ACOXL: variants seen among roughly 807,000 people sequenced by gnomAD.
ACOXL encodes the protein acyl-CoA oxidase like.
In ACOXL, 70 loss-of-function variants were observed where a neutral mutation model predicts 71.9. That is an observed-to-expected ratio of 0.97 (90% confidence interval 0.80 to 1.19). The LOEUF (loss-of-function observed/expected upper bound fraction) is 1.19. ACOXL is among the 50% of genes most tolerant of loss of function. The pLI, the probability that ACOXL is intolerant of heterozygous loss-of-function variation, is 0.00. For missense variants in ACOXL, 703 were observed against 736.3 expected (o/e 0.95, Z 0.52); for synonymous variants, 253 against 281.6 (o/e 0.90, Z 1.02).
intron 12 of ACOXL, among the ~76,000 whole-genome samples, chr2:110,985,426 C>T (rs920814602): frequency 6.6e-6 from 1 of 152,072 alleles, no homozygotes; most frequent in Non-Finnish European, 1.5e-5. Flanking sequence ...GACGTAATTG[C>T]AAGAATTCAA....
At chr2:110,811,785 ACG>A (rs1553548173) in intron 9 of ACOXL, among the ~76,000 whole-genome samples, 1 of 148,982 alleles carries the variant, frequency 6.7e-6, no homozygotes, top group African/African-American at 2.5e-5. Context: ...ACACACACAC[ACG>A]CGGGGAGGAG....
chr2:111,110,402 G>A (rs72948310), intron 17 of ACOXL, among the ~76,000 whole-genome samples: 2,565 of 152,240 alleles, frequency 0.017, 80 homozygotes, highest in African/African-American at 0.057. Flanking sequence ...GAACTCCAGC[G>A]CAGCTCCAAA....
chr2:110,814,551 A>C (rs1294143390), intron 9 of ACOXL, among the ~76,000 whole-genome samples: 3 of 152,224 alleles, frequency 2.0e-5, no homozygotes, highest in Non-Finnish European at 4.4e-5. Context: ...TGGGCCATTT[A>C]AATTTGCCAC....
At chr2:111,101,426 T>C (rs921656210) in intron 17 of ACOXL, among the ~76,000 whole-genome samples, 1 of 152,204 alleles carries the variant, frequency 6.6e-6, no homozygotes, top group Non-Finnish European at 1.5e-5. Context: ...CCATGCCACA[T>C]TGAATGTTTC....
intron 14 of ACOXL, among the ~76,000 whole-genome samples, chr2:110,998,973 A>G (rs2063508712): frequency 6.6e-6 from 1 of 152,246 alleles, no homozygotes; most frequent in Non-Finnish European, 1.5e-5. Context: ...TTCAAAAGTA[A>G]ACAATGAGTA....
Position 110,994,010 on chromosome 2 carries a change from C to T in ACOXL, c.1170-1883C>T, listed in dbSNP as rs76080763. Among the ~76,000 whole-genome samples the T allele has an allele frequency of 4.3e-4, 65 of 152,352 alleles. No homozygotes were observed. The East Asian group carries it at 6.9e-3, about 16-fold the overall frequency. On this transcript the variant is annotated intron_variant, in intron 13 of 17. Coordinates refer to ENST00000439055, the MANE Select transcript of ACOXL (RefSeq NM_001142807.4). The stretch of plus-strand genomic sequence containing the variant: ...TTTTAAAGAAAGTCTGCACACTCTA[C>T]TGCACTGGGCAGGCTCCTAGACCTA...
chr2:110,900,269 G>A (rs1415600290), intron 10 of ACOXL, among the ~76,000 whole-genome samples: 1 of 152,098 alleles, frequency 6.6e-6, no homozygotes, highest in African/African-American at 2.4e-5. Context: ...GAGTAAGTTA[G>A]TGCTTTGTTT....
intron 17 of ACOXL, among the ~76,000 whole-genome samples, chr2:111,108,105 G>A (rs1243696502): frequency 6.6e-6 from 1 of 152,064 alleles, no homozygotes; most frequent in Non-Finnish European, 1.5e-5. Flanking sequence ...CAAAATTAGG[G>A]AAATAAAATG....
At chr2:110,829,534 G>C (rs1466730735) in intron 9 of ACOXL, among the ~76,000 whole-genome samples, 2 of 152,242 alleles carry the variant, frequency 1.3e-5, no homozygotes, top group Admixed American at 1.3e-4. Flanking sequence ...CACCAGGTCA[G>C]AGCAGTGTCT....
At position 110,757,062 on chromosome 2, in the gene ACOXL, C is replaced by G. The variant is rs75911382; in HGVS notation, c.-22-11306C>G. On this transcript the variant is annotated intron_variant, in intron 1 of 17. Transcript: ENST00000439055. Reference sequence around the variant, plus strand: ...GATGCTCTCCCTCCTCCAACCCCCCCCAAGACAGGCTCCAGTGCATGTTGT... The same window carrying G: ...GATGCTCTCCCTCCTCCAACCCCCCGCAAGACAGGCTCCAGTGCATGTTGT... 2.6e-4 allele frequency among the ~76,000 whole-genome samples: 39 copies of G among 152,234 alleles called. 1 individual carries two copies. The highest frequency in any genetic ancestry group is 5.2e-4 in the Admixed American group (8 of 15,290).
At chr2:111,062,925 A>G (rs897622398) in intron 16 of ACOXL, among the ~76,000 whole-genome samples, 3 of 152,130 alleles carry the variant, frequency 2.0e-5, no homozygotes, top group African/African-American at 7.2e-5. Context: ...GGCAAGACTA[A>G]CAAGAAGACA....
intron 12 of ACOXL, among the ~76,000 whole-genome samples, chr2:110,938,555 A>G (rs936718584): frequency 6.6e-6 from 1 of 152,230 alleles, no homozygotes; most frequent in South Asian, 2.1e-4. Flanking sequence ...GAGGGCAGGG[A>G]CCAAGTCCTT....
At chr2:111,111,450 C>T (rs1367178604) in intron 17 of ACOXL, among the ~76,000 whole-genome samples, 2 of 152,168 alleles carry the variant, frequency 1.3e-5, no homozygotes, top group Admixed American at 1.3e-4. Flanking sequence ...ATTACAACTA[C>T]CTAATTGAAT....
In ACOXL at chr2:110,955,733, G is replaced by A. The variant is rs190820999; in HGVS notation, c.1059+22091G>A. Among the ~76,000 whole-genome samples, 291 of 151,868 alleles carry A rather than the reference G, an allele frequency of 1.9e-3. 1 individual carries two copies. Among genetic ancestry groups the A allele is most frequent in the South Asian group, 0.019 (91 of 4,800 alleles). ...TCTGTACCCCTTCATGCCTCAGGGCGTTTGCACAGGCTGCTCTCTCAGCTG... is the reference window on the plus strand; with the variant it reads ...TCTGTACCCCTTCATGCCTCAGGGCATTTGCACAGGCTGCTCTCTCAGCTG... On this transcript the variant is annotated intron_variant, in intron 12 of 17. Transcript: ENST00000439055.
At chr2:111,018,561 C>T (rs2064576360) in intron 14 of ACOXL, among the ~76,000 whole-genome samples, 1 of 152,136 alleles carries the variant, frequency 6.6e-6, no homozygotes, top group Admixed American at 6.5e-5. Flanking sequence ...TTCTCCCTTC[C>T]CTGTAGGGGT....
At chr2:110,759,525 T>C (rs541388808) in intron 1 of ACOXL, among the ~76,000 whole-genome samples, 109 of 152,294 alleles carry the variant, frequency 7.2e-4, no homozygotes, top group Non-Finnish European at 1.4e-3. Context: ...ATTTGCTCGG[T>C]AAATTTTTCT....
At chr2:110,754,038 G>A (rs1212386937) in intron 1 of ACOXL, among the ~76,000 whole-genome samples, 3 of 144,820 alleles carry the variant, frequency 2.1e-5, no homozygotes, top group African/African-American at 8.1e-5. Flanking sequence ...ACACGTGTGT[G>A]TGTGTGTGTG....
At chr2:110,938,322 A>G (rs1019868677) in intron 12 of ACOXL, among the ~76,000 whole-genome samples, 2 of 152,198 alleles carry the variant, frequency 1.3e-5, no homozygotes, top group Non-Finnish European at 2.9e-5. Context: ...AGCGGGAACC[A>G]GACCTAGAGA....
intron 14 of ACOXL, among the ~76,000 whole-genome samples, chr2:111,023,029 A>G (rs1231469832): frequency 1.3e-5 from 2 of 152,194 alleles, no homozygotes; most frequent in African/African-American, 4.8e-5. Context: ...AAATATTTTA[A>G]TGTAGCTGCA....
Sources: gnomAD v4.1 joint callset for allele counts (sites outside exome capture counted in the v4.1 genomes callset) on GRCh38, gnomAD v4.1.1 for gene constraint, MANE v1.5 for transcripts, NCBI Gene and HGNC (gene_info 2026-07-23, HGNC 2026-07-21) for gene names.